The following TGFBR3 variants were observed in gnomAD, a reference collection of about 807,000 sequenced individuals.
TGFBR3 encodes transforming growth factor beta receptor 3.
In TGFBR3, 46 loss-of-function variants were observed where a neutral mutation model predicts 87.9. The observed-to-expected ratio is 0.52, with a 90% CI of 0.41 to 0.67. The LOEUF (loss-of-function observed/expected upper bound fraction) is 0.67, where lower values mean the gene tolerates loss of function less well. TGFBR3 is among the 30% of genes least tolerant of loss of function. The pLI is 0.00. For synonymous variants in TGFBR3, 381 were observed against 391.6 expected, an observed-to-expected ratio of 0.97 and a Z score of 0.32; for missense variants, 866 against 1,041.9, an observed-to-expected ratio of 0.83 and a Z score of 2.32.
At position 91,681,812 on chromosome 1, in the gene TGFBR3, C is replaced by T. The variant is rs1359282126; in HGVS notation, c.*1927G>A. Reference sequence around the variant, plus strand: ...TTTTTATACATAGAATATGCTGAAACAATACATTCCACCGAAGGTTAGGCA... The same window carrying T: ...TTTTTATACATAGAATATGCTGAAATAATACATTCCACCGAAGGTTAGGCA... On this transcript the variant is annotated 3_prime_UTR_variant, in exon 17 of 17. Transcript: ENST00000212355. 1 of 452,746 alleles carries T rather than the reference C, an allele frequency of 2.2e-6. No homozygotes were observed. The highest frequency in any genetic ancestry group is 2.4e-5 in the Admixed American group (1 of 42,386). The allele number at this position is 452,746 out of a possible 1,614,324, so 28.0% of individuals were successfully genotyped here. A position where few individuals can be genotyped will look rare whatever the true frequency, so the allele number is the denominator to read the frequency against.
intron 2 of TGFBR3, among the ~76,000 whole-genome samples, chr1:91,851,130 C>T (rs1677713854): frequency 6.6e-6 from 1 of 152,050 alleles, no homozygotes; most frequent in African/African-American, 2.4e-5. Flanking sequence ...TTCCACATTA[C>T]ACTGTAGATT....
At chr1:91,735,087 A>G in intron 4 of TGFBR3, 128 bp from the exon 5 acceptor site, 4 of 1,082,102 alleles carry the variant, frequency 3.7e-6, no homozygotes, top group Non-Finnish European at 4.1e-6. Context: ...CAAGCAGATC[A>G]GCGTTTTTAA....
chr1:91,716,433 T>C (rs1672174732), intron 11 of TGFBR3, 39 bp from the exon 12 acceptor site: 9 of 1,614,150 alleles, frequency 5.6e-6, no homozygotes, highest in Non-Finnish European at 7.6e-6. Context: ...ATGACAGTCA[T>C]ATGAAGGATG....
At chr1:91,814,910 C>T (rs1166101361) in intron 2 of TGFBR3, among the ~76,000 whole-genome samples, 1 of 152,212 alleles carries the variant, frequency 6.6e-6, no homozygotes, top group Non-Finnish European at 1.5e-5. Flanking sequence ...ATTACCACCT[C>T]CTCCACATTA....
At chr1:91,898,553 C>T (rs1349639184) in intron 2 of TGFBR3, among the ~76,000 whole-genome samples, 1 of 152,136 alleles carries the variant, frequency 6.6e-6, no homozygotes, top group Admixed American at 6.5e-5. Flanking sequence ...TCTCCTGCCT[C>T]AGCCTCCTGA....
At chr1:91,750,272 A>C (rs768199723) in intron 4 of TGFBR3, among the ~76,000 whole-genome samples, 1 of 152,158 alleles carries the variant, frequency 6.6e-6, no homozygotes, top group Non-Finnish European at 1.5e-5. Flanking sequence ...ACCAGCCTTA[A>C]CCTAGCAAGT....
At chr1:91,705,092 T>G (rs183270316) in intron 14 of TGFBR3, among the ~76,000 whole-genome samples, 4 of 152,202 alleles carry the variant, frequency 2.6e-5, no homozygotes. Flanking sequence ...TCCCATTGGT[T>G]AGGAAATTTT....
chr1:91,732,205 C>A (rs7512284), intron 5 of TGFBR3, among the ~76,000 whole-genome samples: 55,116 of 151,946 alleles, frequency 0.36, 10,712 homozygotes, highest in African/African-American at 0.5. Flanking sequence ...GAAACTGAGG[C>A]TCTGGTGGTA....
chr1:91,695,832 C>T, intron 15 of TGFBR3, 53 bp from the exon 16 acceptor site: 1 of 1,395,796 alleles, frequency 7.2e-7, no homozygotes, highest in South Asian at 1.2e-5. Context: ...CTGCATCATG[C>T]ATTGCAATTT....
chr1:91,845,595 T>C (rs1353529335), intron 2 of TGFBR3, among the ~76,000 whole-genome samples: 1 of 152,250 alleles, frequency 6.6e-6, no homozygotes, highest in Non-Finnish European at 1.5e-5. Context: ...GAGTTAATTA[T>C]AGGTGTTATC....
In TGFBR3 at chr1:91,683,765, G is replaced by A; in HGVS notation, c.2530C>T (p.Pro844Ser). 6.3e-7 allele frequency: 1 copy of A among 1,595,524 alleles called. No individual in the cohort carries two copies. The highest frequency in any genetic ancestry group is 8.5e-7 in the Non-Finnish European group (1 of 1,173,860). ...AHSIGSTQST[P>S]CSSSSTA ...TAGGCCGTGCTGCTGCTGGAGCAAGGCGTGCTCTGCGTGCTGCCGATGCTG... is the reference window on the plus strand; with the variant it reads ...TAGGCCGTGCTGCTGCTGGAGCAAGACGTGCTCTGCGTGCTGCCGATGCTG... The change falls in exon 17 of 17, where the codon CCT becomes TCT. Residue 844 changes from proline to serine, a missense_variant. Pro to Ser is a moderately conservative substitution (Grantham distance 74). Coordinates refer to ENST00000212355, the MANE Select transcript of TGFBR3 (RefSeq NM_003243.5).
intron 4 of TGFBR3, among the ~76,000 whole-genome samples, chr1:91,744,978 C>G (rs1417435958): frequency 1.3e-5 from 2 of 150,406 alleles, no homozygotes; most frequent in African/African-American, 4.9e-5. Flanking sequence ...CTGTTGAGAT[C>G]TCAGAGGAAA....
chr1:91,889,920 CCA>C (rs2101327652), upstream of TGFBR3, among the ~76,000 whole-genome samples: 1 of 152,278 alleles, frequency 6.6e-6, no homozygotes, highest in Admixed American at 6.5e-5. Flanking sequence ...CCTTGGCCTC[CCA>C]CAGTGTTGGG....
chr1:91,781,141 T>G (rs1557706995), intron 3 of TGFBR3, among the ~76,000 whole-genome samples: 1 of 152,196 alleles, frequency 6.6e-6, no homozygotes, highest in Non-Finnish European at 1.5e-5. Flanking sequence ...TCTGAATGTT[T>G]ATTTGGACCC....
In TGFBR3 at chr1:91,749,668, A is replaced by T. The variant is rs114107604; in HGVS notation, c.384+8945T>A. ...CCTGGAGTTGCTTTCTGAGATGGAG[A>T]GTGTAGGTCACCTGTGGAGAACCCT... On this transcript the variant is annotated intron_variant, in intron 4 of 16. Coordinates refer to ENST00000212355, the MANE Select transcript of TGFBR3 (RefSeq NM_003243.5). 6.5e-3 allele frequency among the ~76,000 whole-genome samples: 983 copies of T among 152,192 alleles called. 14 individuals are homozygous for T. The highest frequency in any genetic ancestry group is 0.023 in the African/African-American group (949 of 41,546).
intron 1 of TGFBR3, among the ~76,000 whole-genome samples, chr1:91,862,786 C>A (rs1678248372): frequency 6.6e-6 from 1 of 152,164 alleles, no homozygotes; most frequent in South Asian, 2.1e-4. Context: ...TGCAAAGACC[C>A]TCCCTGATCT....
chr1:91,736,653 A>G (rs2100830320), intron 4 of TGFBR3, among the ~76,000 whole-genome samples: 1 of 152,260 alleles, frequency 6.6e-6, no homozygotes, highest in African/African-American at 2.4e-5. Context: ...TTAGCTACTC[A>G]TCAACACTGA....
Position 91,707,417 on chromosome 1 carries a change from C to T in TGFBR3, c.2287+1246G>A, listed in dbSNP as rs1230801476. ...TAAGACACTAGACAGTACCTGCATGCCTCTGTTCTGGTAGGTTCTGCCCAC... is the reference window on the plus strand; with the variant it reads ...TAAGACACTAGACAGTACCTGCATGTCTCTGTTCTGGTAGGTTCTGCCCAC... On this transcript the variant is annotated intron_variant, in intron 14 of 16. Coordinates refer to ENST00000212355, the MANE Select transcript of TGFBR3 (RefSeq NM_003243.5). Among the ~76,000 whole-genome samples the T allele has an allele frequency of 2.0e-5, 3 of 152,320 alleles. No homozygotes were observed. The East Asian group carries it at 5.8e-4, about 29-fold the overall frequency.
upstream of TGFBR3, among the ~76,000 whole-genome samples, chr1:91,887,289 A>G (rs1319315126): frequency 8.8e-6 from 1 of 113,196 alleles, no homozygotes; most frequent in East Asian, 2.9e-4. Context: ...CCTGTCGCCC[A>G]GGCTGGAGTG....
Sources: allele counts gnomAD v4.1 joint callset (sites outside exome capture counted in the v4.1 genomes callset), GRCh38; gene constraint gnomAD v4.1.1; transcripts MANE v1.5; gene names NCBI Gene and HGNC (gene_info 2026-07-23, HGNC 2026-07-21).